The following CCZ1B variants were observed in gnomAD, a reference collection of about 807,000 sequenced individuals.
CCZ1B encodes vacuolar fusion protein CCZ1 homolog B.
CCZ1B carries 25 observed loss-of-function variants against 58.8 expected under a neutral mutation model. The observed-to-expected ratio is 0.43, with a 90% confidence interval of 0.31 to 0.59. The LOEUF (loss-of-function observed/expected upper bound fraction) is 0.59, where lower values mean the gene tolerates loss of function less well. Ranked by LOEUF, CCZ1B falls within the 20% of genes least tolerant of loss-of-function variation. The pLI is 0.12. For synonymous variants in CCZ1B, 66 were observed against 173.2 expected, an observed-to-expected ratio of 0.38 and a Z score of 4.86; for missense variants, 180 against 501.5, an observed-to-expected ratio of 0.36 and a Z score of 6.12.
intron 6 of CCZ1B, 130 bp downstream of exon 6, chr7:6,822,151 C>G: frequency 1.5e-6 from 2 of 1,374,458 alleles, no homozygotes; most frequent in Non-Finnish European, 1.9e-6. Flanking sequence ...TTGCGACGGT[C>G]TGTCTCAGGC....
chr7:6,822,517 T>C, intron 5 of CCZ1B, 153 bp from the exon 6 acceptor site: 2 of 1,335,688 alleles, frequency 1.5e-6, no homozygotes, highest in Non-Finnish European at 2.0e-6. Flanking sequence ...AAAACTTGAG[T>C]TAAAAATGTA....
chr7:6,813,772 TTGATA>T (rs1782954411), intron 8 of CCZ1B, among the ~76,000 whole-genome samples: 1 of 149,418 alleles, frequency 6.7e-6, no homozygotes, highest in Non-Finnish European at 1.5e-5. Context: ...AGGTCTCCTG[TTGATA>T]GAGGAAAATA....
rs1423276149 is a variant in CCZ1B at position 6,825,665 on chromosome 7, C to CACACACA, written c.120+412_120+413insTGTGTGT. On this transcript the variant is annotated intron_variant, in intron 1 of 14. Transcript: ENST00000316731. ...ACCACACACACACACACACACACACCCCTCCCGAAATTAATTTATTTCCTC... is the reference window on the plus strand; with the variant it reads ...ACCACACACACACACACACACACACCACACACACCTCCCGAAATTAATTTATTTCCTC... 2.7e-4 allele frequency among the ~76,000 whole-genome samples: 30 copies of CACACACA among 111,544 alleles called. 1 individual carries two copies. The South Asian group carries it at 3.9e-3, about 15-fold the overall frequency. 73.2% of individuals were successfully genotyped at this position (111,544 alleles called of 152,430 possible).
chr7:6,820,916 A>C (rs996931685), intron 6 of CCZ1B, among the ~76,000 whole-genome samples: 13 of 71,404 alleles, frequency 1.8e-4, no homozygotes, highest in Admixed American at 1.0e-3. Context: ...ACTCTGTCTC[A>C]AAAAAAAAAA....
intron 7 of CCZ1B, among the ~76,000 whole-genome samples, chr7:6,815,673 A>G (rs372878142): frequency 1.3e-5 from 2 of 149,078 alleles, no homozygotes; most frequent in Admixed American, 6.7e-5. Flanking sequence ...GAAGGTAAAG[A>G]GTTAAACTTC....
At position 6,822,250 on chromosome 7, in the gene CCZ1B, T is replaced by C. The variant is rs186526298; in HGVS notation, c.522+31A>G. ...CTCTAAAAACCTGATGAATGCTTAG[T>C]AAAGTTATAAATGAAATTCAAAATA... On this transcript the variant is annotated intron_variant, in intron 6 of 14. Transcript: ENST00000316731. The C allele has an allele frequency of 6.0e-4, 939 of 1,557,352 alleles. 29 individuals are homozygous for C. The African/African-American group carries it at 0.012, about 21-fold the overall frequency.
intron 3 of CCZ1B, 44 bp downstream of exon 3, chr7:6,824,411 C>T (rs1429929030): frequency 6.3e-7 from 1 of 1,598,028 alleles, no homozygotes; most frequent in Non-Finnish European, 8.5e-7. Context: ...TCACCCATAA[C>T]TTCACCATAC....
intron 7 of CCZ1B, among the ~76,000 whole-genome samples, chr7:6,815,172 C>CT (rs200922002): frequency 0.26 from 34,725 of 134,838 alleles, 4,334 homozygotes; most frequent in South Asian, 0.47. Flanking sequence ...ATTTTTTTTT[C>CT]TTTTTTTTTT....
chr7:6,822,219 A>G lies in CCZ1B; in HGVS notation c.522+62T>C, dbSNP rs1687166243. On this transcript the variant is annotated intron_variant, in intron 6 of 14. Transcript: ENST00000316731. The stretch of plus-strand genomic sequence containing the variant: ...AGATAAGAAACAAACTTGTCTGTCT[A>G]TATTTCTCTAAAAACCTGATGAATG... 25 of 1,556,614 alleles carry G rather than the reference A, an allele frequency of 1.6e-5. 4 individuals carry two copies. Among genetic ancestry groups the G allele is most frequent in the South Asian group, 1.2e-4 (10 of 82,140 alleles).
chr7:6,822,424 T>C (rs1174441446), intron 5 of CCZ1B, 60 bp from the exon 6 acceptor site: 6 of 1,550,928 alleles, frequency 3.9e-6, no homozygotes, highest in South Asian at 1.2e-5. Context: ...TTTTTCAGTA[T>C]AACAAGTTCT....
chr7:6,821,001 G>A (rs1783100965), intron 6 of CCZ1B, among the ~76,000 whole-genome samples: 1 of 148,786 alleles, frequency 6.7e-6, no homozygotes, highest in African/African-American at 2.5e-5. Context: ...TAATACTACA[G>A]AGAGTGCCAT....
rs12531130 is a variant in CCZ1B at position 6,821,991 on chromosome 7, G to C, written c.522+290C>G. On this transcript the variant is annotated intron_variant, in intron 6 of 14. Coordinates refer to ENST00000316731, the MANE Select transcript of CCZ1B (RefSeq NM_198097.5). ...AGATGGCTGCTGAGTAAGCCCAGAA[G>C]GACAGATGCAGGTAAAACACAGGGA... 1.5e-3 allele frequency among the ~76,000 whole-genome samples: 230 copies of C among 149,550 alleles called. 3 individuals carry two copies. Among genetic ancestry groups the C allele is most frequent in the East Asian group, 0.011 (58 of 5,182 alleles).
chr7:6,811,078 G>A (rs1267646606), intron 10 of CCZ1B, among the ~76,000 whole-genome samples: 2 of 151,520 alleles, frequency 1.3e-5, no homozygotes, highest in South Asian at 2.1e-4. Context: ...ATGCTCAGCC[G>A]TGGGCCTGTC....
At chr7:6,808,490 T>C (rs1288155634) in intron 10 of CCZ1B, among the ~76,000 whole-genome samples, 7 of 149,856 alleles carry the variant, frequency 4.7e-5, no homozygotes, top group African/African-American at 5.1e-5. Flanking sequence ...TGGTGGCTCC[T>C]GGGCCCTGCC....
At chr7:6,801,846 T>C (rs919397088) in intron 12 of CCZ1B, among the ~76,000 whole-genome samples, 4 of 110,380 alleles carry the variant, frequency 3.6e-5, no homozygotes, top group Non-Finnish European at 7.6e-5. Flanking sequence ...AGTGCAGGGA[T>C]TACAGGCGTG....
intron 7 of CCZ1B, among the ~76,000 whole-genome samples, chr7:6,817,598 C>T (rs1783026189): frequency 6.7e-6 from 1 of 149,864 alleles, no homozygotes; most frequent in Non-Finnish European, 1.5e-5. Flanking sequence ...CACAACTAGC[C>T]TCCCATCTCC....
rs540778554 is a variant in CCZ1B, at chr7:6,820,944, C to A, written c.523-1003G>T. 2.0e-5 allele frequency among the ~76,000 whole-genome samples: 3 copies of A among 148,698 alleles called. No individual in the cohort carries two copies. In the South Asian group the frequency reaches 6.4e-4, roughly 32 times the overall value. On this transcript the variant is annotated intron_variant, in intron 6 of 14. Coordinates refer to ENST00000316731, the MANE Select transcript of CCZ1B (RefSeq NM_198097.5). ...AAAAAAAAAAAAAATTAACTCCCTG[C>A]CTTAATGCTCTTCAAATTAGACTAA... is the stretch of plus-strand genomic sequence containing the variant.
rs1389788970 is a variant in CCZ1B, at chr7:6,814,670, C to T, written c.780+94G>A. On this transcript the variant is annotated intron_variant, in intron 8 of 14. Transcript: ENST00000316731. ...ACTAAGACAAAACATACATCAGAAACGATCAGAAACACCCCCATGCACCAC... is the reference window on the plus strand; with the variant it reads ...ACTAAGACAAAACATACATCAGAAATGATCAGAAACACCCCCATGCACCAC... 33 of 1,130,906 alleles carry T rather than the reference C, an allele frequency of 2.9e-5. 3 individuals carry two copies. Among genetic ancestry groups the T allele is most frequent in the African/African-American group, 1.7e-4 (10 of 59,382 alleles). 70.1% of individuals were successfully genotyped at this position (1,130,906 alleles called of 1,614,324 possible). A position where few individuals can be genotyped will look rare whatever the true frequency, so the allele number is the denominator to read the frequency against.
Position 6,818,822 on chromosome 7 carries a change from G to A in CCZ1B, c.698+944C>T, listed in dbSNP as rs148970019. Among the ~76,000 whole-genome samples, 865 of 148,788 alleles carry A rather than the reference G, an allele frequency of 5.8e-3. 74 individuals are homozygous for A. The highest frequency in any genetic ancestry group is 0.016 in the African/African-American group (647 of 39,282). On this transcript the variant is annotated intron_variant, in intron 7 of 14. Transcript: ENST00000316731. ...GATGACTTCTGTCCACCTACTCTAG[G>A]CCAAATGTGCACAACCTCGGTTGCC...
Sources: allele counts gnomAD v4.1 joint callset (sites outside exome capture counted in the v4.1 genomes callset), GRCh38; gene constraint gnomAD v4.1.1; transcripts MANE v1.5; gene names NCBI Gene and HGNC (gene_info 2026-07-23, HGNC 2026-07-21).